TMEM132E: variants seen among roughly 807,000 people sequenced by gnomAD.
TMEM132E encodes the protein transmembrane protein 132E.
TMEM132E carries 49 observed loss-of-function variants against 78.5 expected under a neutral mutation model. That is an observed-to-expected ratio of 0.62 (90% confidence interval 0.50 to 0.79). The LOEUF is 0.79. Among genes scored for constraint, TMEM132E ranks in the 30% least tolerant of loss-of-function variants. The pLI is 0.00. For synonymous variants in TMEM132E, 715 were observed against 670.6 expected (o/e 1.07, Z -1.02); for missense variants, 1,403 against 1,470.9 (o/e 0.95, Z 0.75).
chr17:34,605,968 C>A (rs776800702), intron 1 of TMEM132E, among the ~76,000 whole-genome samples: 46 of 152,328 alleles, frequency 3.0e-4, no homozygotes, highest in South Asian at 4.1e-4. Flanking sequence ...AGCCTCAAAT[C>A]AGGAGGTGGA....
At chr17:34,621,801 C>T (rs1310652609) in intron 1 of TMEM132E, among the ~76,000 whole-genome samples, 3 of 151,334 alleles carry the variant, frequency 2.0e-5, no homozygotes, top group East Asian at 3.9e-4. Context: ...AAGTGGGGGG[C>T]GGGCAGGTGC....
At chr17:34,631,702 C>T (rs1346750080) in intron 5 of TMEM132E, among the ~76,000 whole-genome samples, 1 of 152,124 alleles carries the variant, frequency 6.6e-6, no homozygotes, top group Non-Finnish European at 1.5e-5. Flanking sequence ...GGCTCATCTC[C>T]ATGGATAAAC....
chr17:34,631,221 A>G (rs1907337775), intron 5 of TMEM132E, among the ~76,000 whole-genome samples: 1 of 152,158 alleles, frequency 6.6e-6, no homozygotes, highest in Non-Finnish European at 1.5e-5. Context: ...TCTGGGAAGC[A>G]TGGGGCTCAC....
intron 8 of TMEM132E, 118 bp downstream of exon 8, chr17:34,636,316 C>T: frequency 9.7e-7 from 1 of 1,036,176 alleles, no homozygotes; most frequent in Non-Finnish European, 1.3e-6. Flanking sequence ...AATGGAGGAT[C>T]TCTGCCCTCC....
chr17:34,589,406 C>T (rs970494338), intron 1 of TMEM132E, among the ~76,000 whole-genome samples: 2 of 152,152 alleles, frequency 1.3e-5, no homozygotes, highest in Non-Finnish European at 2.9e-5. Context: ...GGCCACATGC[C>T]GGCTGTTCTC....
At chr17:34,610,371 C>A (rs1020158034) in intron 1 of TMEM132E, among the ~76,000 whole-genome samples, 7 of 152,166 alleles carry the variant, frequency 4.6e-5, no homozygotes, top group Non-Finnish European at 8.8e-5. Flanking sequence ...TTGTACTAGG[C>A]AGTCAGGCTG....
At position 34,638,097 on chromosome 17, in the gene TMEM132E, G is replaced by A. The variant is rs747545076; in HGVS notation, c.3090G>A (p.Ser1030=). The A allele has an allele frequency of 6.3e-7, 1 of 1,596,128 alleles. No individual in the cohort carries two copies. Among genetic ancestry groups the A allele is most frequent in the South Asian group, 1.1e-5 (1 of 88,736 alleles). ...CGTCAGAGGAGCTGGCCTATGACTC[G>A]GTGCCCGCGGGCGAAGAGGACGAGG... The part of the protein sequence containing the change: ...TLPSEELAYD[S]VPAGEEDEEE... The change falls in exon 9 of 9, where the codon TCG becomes TCA. Residue 1030 remains serine (S), a synonymous_variant. Coordinates refer to ENST00000631683, the MANE Select transcript of TMEM132E (RefSeq NM_001304438.2).
At chr17:34,587,604 G>A (rs1217266884) in intron 1 of TMEM132E, among the ~76,000 whole-genome samples, 1 of 152,128 alleles carries the variant, frequency 6.6e-6, no homozygotes, top group Non-Finnish European at 1.5e-5. Context: ...CAGCCCCCAG[G>A]GTTTTGGGGG....
chr17:34,600,426 A>T (rs200028193), intron 1 of TMEM132E, among the ~76,000 whole-genome samples: 9 of 144,036 alleles, frequency 6.2e-5, no homozygotes, highest in South Asian at 2.3e-4. Context: ...AGCGTATATG[A>T]GTGTGTGTGT....
intron 1 of TMEM132E, among the ~76,000 whole-genome samples, chr17:34,600,008 A>C (rs1385785596): frequency 6.6e-6 from 1 of 152,234 alleles, no homozygotes; most frequent in Non-Finnish European, 1.5e-5. Context: ...CTGGGGCCAG[A>C]GGACAGGACC....
At chr17:34,597,295 G>C (rs1420820270) in intron 1 of TMEM132E, among the ~76,000 whole-genome samples, 1 of 152,088 alleles carries the variant, frequency 6.6e-6, no homozygotes, top group Non-Finnish European at 1.5e-5. Context: ...GATTCCCTTG[G>C]GGCAGGGCTC....
In TMEM132E at chr17:34,638,227, G is replaced by A; in HGVS notation, c.3220G>A (p.Ala1074Thr). The change falls in exon 9 of 9, where the codon GCA (alanine) becomes ACA (threonine). Residue 1074 changes from alanine to threonine, a missense_variant. By Grantham distance (58) the Ala-to-Thr change is moderately conservative (BLOSUM62 0). Coordinates refer to ENST00000631683, the MANE Select transcript of TMEM132E (RefSeq NM_001304438.2). ...TTACATGCGCAGAATCAAAGAGATT[G>A]CATAGAGGCGCCAGCCGGAGTAGCA... Reference protein sequence around the residue: ...HNYMRRIKEIA With the variant: ...HNYMRRIKEIT The A allele has an allele frequency of 6.4e-7, 1 of 1,569,492 alleles. No individual in the cohort carries two copies. Among genetic ancestry groups the A allele is most frequent in the South Asian group, 1.2e-5 (1 of 83,826 alleles).
rs772283717 is a variant in TMEM132E at position 34,636,119 on chromosome 17, C to T, written c.2090C>T (p.Ser697Phe). 58 of 1,593,490 alleles carry T rather than the reference C, an allele frequency of 3.6e-5. No individual in the cohort carries two copies. Among genetic ancestry groups the T allele is most frequent in the Non-Finnish European group, 4.0e-5 (47 of 1,170,966 alleles). ...QAQVVASLALSLRPSPGSSHT... is the reference protein window; with the variant it reads ...QAQVVASLALFLRPSPGSSHT... ...CAGGTGGTGGCCAGCCTGGCCCTCT[C>T]CCTGCGGCCCAGCCCTGGGAGCAGC... is the stretch of plus-strand genomic sequence containing the variant. The change falls in exon 8 of 9, where the codon TCC becomes TTC. Residue 697 changes from serine (S) to phenylalanine (F), a missense_variant. Physicochemically the swap from Ser to Phe is radical, Grantham distance 155. This residue lies in a region of TMEM132E where 888 missense variants were observed against 952.8 expected (regional missense o/e 0.93). Transcript: ENST00000631683.
chr17:34,629,939 G>A (rs1907296689), intron 4 of TMEM132E, 69 bp from the exon 5 acceptor site: 2 of 1,500,274 alleles, frequency 1.3e-6, no homozygotes, highest in African/African-American at 2.8e-5. Context: ...CAGGAGCTGG[G>A]GCCTTGGCTA....
rs767817673 is a variant in TMEM132E, at chr17:34,623,942, C to T, written c.68-2185C>T. On this transcript the variant is annotated intron_variant, in intron 1 of 8. Coordinates refer to ENST00000631683, the MANE Select transcript of TMEM132E (RefSeq NM_001304438.2). ...GTCCTCACTTGGACTCTGCTGCACA[C>T]CCCCACCCCACCATCAGCTCCCAGC... is the stretch of plus-strand genomic sequence containing the variant. Among the ~76,000 whole-genome samples the T allele has an allele frequency of 5.6e-4, 85 of 152,308 alleles. 1 individual carries two copies. The highest frequency in any genetic ancestry group is 3.4e-3 in the Middle Eastern group (1 of 294).
At chr17:34,620,392 G>A (rs1906920928) in intron 1 of TMEM132E, among the ~76,000 whole-genome samples, 1 of 152,248 alleles carries the variant, frequency 6.6e-6, no homozygotes, top group South Asian at 2.1e-4. Flanking sequence ...GGTGGTTAGG[G>A]AGGGCAGTGT....
At chr17:34,608,017 C>T (rs1188130615) in intron 1 of TMEM132E, among the ~76,000 whole-genome samples, 2 of 152,168 alleles carry the variant, frequency 1.3e-5, no homozygotes, top group Non-Finnish European at 2.9e-5. Context: ...TTGATTGGCT[C>T]AGTCTCCAGC....
chr17:34,629,476 C>G (rs1042800676), intron 4 of TMEM132E, among the ~76,000 whole-genome samples: 1 of 152,114 alleles, frequency 6.6e-6, no homozygotes, highest in African/African-American at 2.4e-5. Context: ...AAGGAGGTAG[C>G]AATGCAGTTG....
chr17:34,584,397 C>G (rs565551064), intron 1 of TMEM132E, among the ~76,000 whole-genome samples: 4 of 152,250 alleles, frequency 2.6e-5, no homozygotes, highest in Non-Finnish European at 5.9e-5. Flanking sequence ...CACCAGCAGT[C>G]CCCATACCCT....
Sources: gnomAD v4.1 joint callset for allele counts (sites outside exome capture counted in the v4.1 genomes callset) on GRCh38, gnomAD v4.1.1 for gene constraint, gnomAD v4.1.1 regional missense constraint, MANE v1.5 for transcripts, NCBI Gene and HGNC (gene_info 2026-07-23, HGNC 2026-07-21) for gene names.